RHBDD1: variants seen among roughly 807,000 people sequenced by gnomAD.
RHBDD1 encodes rhomboid domain containing 1, also known as rhomboid-related protein 4.
Under a neutral mutation model 36.3 loss-of-function variants are expected in RHBDD1, and 38 were observed. The observed-to-expected ratio is 1.05, with a 90% CI of 0.81 to 1.37. The LOEUF (loss-of-function observed/expected upper bound fraction) is 1.37, where lower values mean the gene tolerates loss of function less well. Ranked by LOEUF, RHBDD1 falls within the 40% of genes most tolerant of loss-of-function variation. The pLI is 0.00. For missense variants in RHBDD1, 393 were observed against 377.6 expected (o/e 1.04, Z -0.34); for synonymous variants, 151 against 136.5 (o/e 1.11, Z -0.74).
intron 8 of RHBDD1, among the ~76,000 whole-genome samples, chr2:226,915,987 T>G (rs1460516662): frequency 6.6e-6 from 1 of 152,204 alleles, no homozygotes; most frequent in Non-Finnish European, 1.5e-5. Context: ...TAAGATGGCT[T>G]CTTCTACATG....
chr2:226,884,884 T>G (rs532082278), intron 5 of RHBDD1, among the ~76,000 whole-genome samples: 2 of 152,142 alleles, frequency 1.3e-5, no homozygotes, highest in Non-Finnish European at 2.9e-5. Flanking sequence ...TGAACGTAAT[T>G]TCAAATGAAC....
chr2:226,946,142 CTTTAG>C (rs1397173188), intron 8 of RHBDD1, among the ~76,000 whole-genome samples: 2 of 152,056 alleles, frequency 1.3e-5, no homozygotes, highest in Admixed American at 6.6e-5. Context: ...TGCAGAAGCT[CTTTAG>C]TTTAATTAGA....
intron 7 of RHBDD1, among the ~76,000 whole-genome samples, chr2:226,910,574 A>G (rs1200936840): frequency 2.6e-5 from 4 of 152,242 alleles, no homozygotes; most frequent in Middle Eastern, 3.4e-3. Context: ...CTCCTTTGCC[A>G]TGAAATCCTG....
intron 8 of RHBDD1, chr2:226,988,270 G>A (rs1314557859): frequency 1.4e-5 from 21 of 1,487,954 alleles, no homozygotes; most frequent in Non-Finnish European, 1.9e-5. Context: ...GCCCTGAGGA[G>A]GCCACTGTAA....
chr2:226,995,362 G>A, intron 8 of RHBDD1, 69 bp from the exon 9 acceptor site: 1 of 938,684 alleles, frequency 1.1e-6, no homozygotes, highest in Non-Finnish European at 1.7e-6. Flanking sequence ...TTGTTCCCTT[G>A]GAATCCTAGG....
intron 3 of RHBDD1, among the ~76,000 whole-genome samples, chr2:226,848,843 A>G (rs1192956689): frequency 1.3e-5 from 2 of 152,232 alleles, no homozygotes; most frequent in African/African-American, 4.8e-5. Context: ...AAAATGGTTA[A>G]TAATAATACC....
chr2:226,824,900 C>T, the RHBDD1 span, among the ~76,000 whole-genome samples: 311 of 152,246 alleles, frequency 2.0e-3, 1 homozygote, highest in African/African-American at 7.3e-3. Context: ...TATGGATGTG[C>T]ATACATGTGC....
chr2:226,984,071 T>C (rs925538352), intron 8 of RHBDD1, among the ~76,000 whole-genome samples: 48 of 152,144 alleles, frequency 3.2e-4, no homozygotes, highest in African/African-American at 1.1e-3. Flanking sequence ...AAGCCACCAC[T>C]TAGGACAGAG....
chr2:226,919,021 A>G (rs761342267), intron 8 of RHBDD1, among the ~76,000 whole-genome samples: 79 of 152,200 alleles, frequency 5.2e-4, no homozygotes, highest in Non-Finnish European at 1.0e-3. Context: ...CTGGAGTGAA[A>G]TGATGTTTCA....
At chr2:226,879,719 A>C (rs548228025) in intron 5 of RHBDD1, among the ~76,000 whole-genome samples, 39 of 152,366 alleles carry the variant, frequency 2.6e-4, no homozygotes, top group Non-Finnish European at 4.7e-4. Flanking sequence ...CAATGGATAT[A>C]GGGTCAAAAG....
intron 8 of RHBDD1, among the ~76,000 whole-genome samples, chr2:226,968,511 G>A (rs1374410123): frequency 6.6e-6 from 1 of 152,202 alleles, no homozygotes; most frequent in African/African-American, 2.4e-5. Context: ...AAAGTCAGCT[G>A]ATTATGGACT....
intron 8 of RHBDD1, among the ~76,000 whole-genome samples, chr2:226,975,142 G>A (rs564546315): frequency 4.6e-5 from 7 of 152,088 alleles, no homozygotes; most frequent in African/African-American, 1.7e-4. Context: ...GCTCTCCTAG[G>A]GCCTCCCAAG....
At chr2:226,897,308 G>GTGTC (rs56199167) in intron 5 of RHBDD1, among the ~76,000 whole-genome samples, 2,263 of 142,028 alleles carry the variant, frequency 0.016, 43 homozygotes, top group African/African-American at 0.044. Context: ...TGAGGTGTGT[G>GTGTC]TGTCTGTCTG....
intron 8 of RHBDD1, among the ~76,000 whole-genome samples, chr2:226,980,396 A>G (rs1955457434): frequency 2.0e-5 from 3 of 152,192 alleles, no homozygotes; most frequent in South Asian, 4.1e-4. Flanking sequence ...TTCTAAGCAG[A>G]ATGAAATGCC....
At chr2:226,964,622 A>G (rs1427464614) in intron 8 of RHBDD1, among the ~76,000 whole-genome samples, 2 of 152,248 alleles carry the variant, frequency 1.3e-5, no homozygotes, top group Non-Finnish European at 2.9e-5. Flanking sequence ...AAAATTACAA[A>G]TAAACATATT....
chr2:226,833,525 G>T (rs1221043600), upstream of RHBDD1, among the ~76,000 whole-genome samples: 2 of 152,048 alleles, frequency 1.3e-5, no homozygotes, highest in African/African-American at 4.8e-5. Context: ...ATTTAAGTCG[G>T]GTGGCTTAAT....
At chr2:226,974,386 C>T (rs1274806083) in intron 8 of RHBDD1, among the ~76,000 whole-genome samples, 1 of 152,032 alleles carries the variant, frequency 6.6e-6, no homozygotes, top group Non-Finnish European at 1.5e-5. Flanking sequence ...TACAGGCGCC[C>T]ACCACTGGGC....
chr2:226,830,420 T>G, the RHBDD1 span, among the ~76,000 whole-genome samples: 2 of 152,224 alleles, frequency 1.3e-5, no homozygotes, highest in Non-Finnish European at 2.9e-5. Flanking sequence ...TTTATGGAAC[T>G]TTTGTTATAG....
At chr2:226,925,830 A>G (rs1949631001) in intron 8 of RHBDD1, among the ~76,000 whole-genome samples, 1 of 152,194 alleles carries the variant, frequency 6.6e-6, no homozygotes, top group Non-Finnish European at 1.5e-5. Flanking sequence ...TTAATTGCAG[A>G]GCTAATTAGA....
Sources: gnomAD v4.1 joint callset for allele counts (sites outside exome capture counted in the v4.1 genomes callset) on GRCh38, gnomAD v4.1.1 for gene constraint, MANE v1.5 for transcripts, NCBI Gene and HGNC (gene_info 2026-07-23, HGNC 2026-07-21) for gene names.